The following DOCK9 variants were observed in gnomAD, a reference collection of about 807,000 sequenced individuals.
DOCK9 encodes the protein dedicator of cytokinesis 9.
In DOCK9, 89 loss-of-function variants were observed where a neutral mutation model predicts 263.3. The ratio of observed to expected loss-of-function variants is 0.34; its 90% CI spans 0.28 to 0.40. The LOEUF (loss-of-function observed/expected upper bound fraction) is 0.40, where lower values mean the gene tolerates loss of function less well. DOCK9 is among the 10% of genes least tolerant of loss of function. DOCK9 has a pLI of 1.00. For synonymous variants in DOCK9, 976 were observed against 973.1 expected, an observed-to-expected ratio of 1.00 and a Z score of -0.06; for missense variants, 2,140 against 2,603.4, an observed-to-expected ratio of 0.82 and a Z score of 3.87.
At chr13:98,846,175 T>C in intron 37 of DOCK9, 115 bp from the exon 38 acceptor site, 1 of 1,251,316 alleles carries the variant, frequency 8.0e-7, no homozygotes, top group Non-Finnish European at 1.1e-6. Context: ...ATGCACTGAC[T>C]GAACACAGTG....
Position 98,794,725 on chromosome 13 carries a change from C to G in DOCK9, c.6180G>C (p.Thr2060=). 8.1e-6 allele frequency: 13 copies of G among 1,613,910 alleles called. No individual in the cohort carries two copies. Among genetic ancestry groups the G allele is most frequent in the Non-Finnish European group, 1.1e-5 (13 of 1,179,856 alleles). ...HEQICPLEEK[T]SVLPNSLHIF... ...TGTGAAGGGAATTCGGTAAGACGCT[C>G]GTCTTCTCCTCCAGGGGGCAGATCT... The change falls in exon 53 of 53, where the codon ACG becomes ACC. Residue 2060 remains threonine, a synonymous_variant. Coordinates refer to ENST00000682017, the MANE Select transcript of DOCK9 (RefSeq NM_001366683.2).
chr13:99,069,172 C>G (rs2041562811), intron 1 of DOCK9, among the ~76,000 whole-genome samples: 1 of 152,170 alleles, frequency 6.6e-6, no homozygotes, highest in Non-Finnish European at 1.5e-5. Context: ...ATAATTTTAA[C>G]CAATGTACGT....
At chr13:98,872,337 T>C (rs1305419756) in intron 27 of DOCK9, among the ~76,000 whole-genome samples, 1 of 152,214 alleles carries the variant, frequency 6.6e-6, no homozygotes, top group East Asian at 1.9e-4. Flanking sequence ...GTTACTCCCC[T>C]TTATCAAGAT....
At chr13:99,057,472 G>A (rs972861583) in intron 1 of DOCK9, among the ~76,000 whole-genome samples, 12 of 152,146 alleles carry the variant, frequency 7.9e-5, no homozygotes, top group Admixed American at 3.3e-4. Context: ...TCTTCATTGC[G>A]CCTCTGATTT....
intron 1 of DOCK9, among the ~76,000 whole-genome samples, chr13:98,983,818 T>G (rs542850779): frequency 6.6e-6 from 1 of 152,160 alleles, no homozygotes; most frequent in African/African-American, 2.4e-5. Flanking sequence ...AGTTTCACCA[T>G]GTAGGCCAGG....
chr13:99,059,202 G>C (rs565768262), intron 1 of DOCK9, among the ~76,000 whole-genome samples: 16 of 152,302 alleles, frequency 1.1e-4, no homozygotes, highest in Admixed American at 3.3e-4. Context: ...TCGAGTCCAA[G>C]AATTTGCATT....
intron 2 of DOCK9, 83 bp from the exon 3 acceptor site, chr13:98,930,340 G>C (rs1426113111): frequency 1.7e-6 from 2 of 1,184,204 alleles, no homozygotes; most frequent in Admixed American, 2.0e-5. Flanking sequence ...GTGCCCTGCA[G>C]CTGGCCCTGG....
At chr13:98,802,934 T>C (rs534590340) in intron 49 of DOCK9, among the ~76,000 whole-genome samples, 1 of 152,342 alleles carries the variant, frequency 6.6e-6, no homozygotes, top group South Asian at 2.1e-4. Flanking sequence ...AAGAACGCTC[T>C]TTCCCTTGCT....
intron 47 of DOCK9, 101 bp downstream of exon 47, chr13:98,809,251 G>A: frequency 8.0e-7 from 1 of 1,243,938 alleles, no homozygotes; most frequent in East Asian, 2.6e-5. Flanking sequence ...AGAAAACAGA[G>A]AATTTATAAG....
chr13:98,804,063 C>T (rs2090421359), intron 49 of DOCK9, among the ~76,000 whole-genome samples: 2 of 152,080 alleles, frequency 1.3e-5, no homozygotes, highest in Non-Finnish European at 2.9e-5. Context: ...ATCTCCACAG[C>T]GCTCCTTCCG....
chr13:99,013,355 T>A (rs1884841212), intron 1 of DOCK9, among the ~76,000 whole-genome samples: 1 of 152,158 alleles, frequency 6.6e-6, no homozygotes, highest in East Asian at 1.9e-4. Flanking sequence ...CCTCAAGCAA[T>A]CCTCCTGCCT....
intron 2 of DOCK9, among the ~76,000 whole-genome samples, chr13:98,930,608 C>CT (rs2053762582): frequency 6.6e-6 from 1 of 152,084 alleles, no homozygotes; most frequent in Non-Finnish European, 1.5e-5. Flanking sequence ...TCTTAACTGC[C>CT]TTTTTTTATT....
chr13:98,867,808 G>A, intron 29 of DOCK9, 120 bp downstream of exon 29: 1 of 948,248 alleles, frequency 1.1e-6, no homozygotes, highest in Non-Finnish European at 1.6e-6. Flanking sequence ...TACAGACACA[G>A]GCTCAATACA....
intron 48 of DOCK9, among the ~76,000 whole-genome samples, chr13:98,807,336 T>C (rs2090844469): frequency 6.6e-6 from 1 of 152,220 alleles, no homozygotes; most frequent in Non-Finnish European, 1.5e-5. Flanking sequence ...ATGTGCTACA[T>C]GCAGGAAGAG....
chr13:98,910,204 T>C (rs2049786519), intron 9 of DOCK9, among the ~76,000 whole-genome samples: 1 of 152,196 alleles, frequency 6.6e-6, no homozygotes, highest in East Asian at 1.9e-4. Flanking sequence ...AAATAACTAG[T>C]AATGAAGTTT....
chr13:98,872,574 T>C (rs1462832258), intron 27 of DOCK9, among the ~76,000 whole-genome samples: 2 of 152,146 alleles, frequency 1.3e-5, no homozygotes, highest in African/African-American at 4.8e-5. Context: ...GCCCAGCTAA[T>C]TTTGTTCACA....
chr13:98,963,346 G>A (rs2058863410), intron 1 of DOCK9, among the ~76,000 whole-genome samples: 1 of 152,164 alleles, frequency 6.6e-6, no homozygotes, highest in Admixed American at 6.5e-5. Context: ...AATGTTCTTA[G>A]TGCCAGGAAA....
chr13:98,837,421 G>C (rs974909181), intron 39 of DOCK9, 73 bp downstream of exon 39: 47 of 1,002,940 alleles, frequency 4.7e-5, no homozygotes, highest in Admixed American at 2.4e-4. Context: ...GTAAGTTTGT[G>C]CTCACTGAGC....
intron 52 of DOCK9, among the ~76,000 whole-genome samples, chr13:98,795,805 C>G (rs2089307174): frequency 6.6e-6 from 1 of 150,408 alleles, no homozygotes; most frequent in African/African-American, 2.5e-5. Context: ...GTGGCCCAGG[C>G]TAGAGGGTAG....
Sources: gnomAD v4.1 joint callset for allele counts (sites outside exome capture counted in the v4.1 genomes callset) on GRCh38, gnomAD v4.1.1 for gene constraint, MANE v1.5 for transcripts, NCBI Gene and HGNC (gene_info 2026-07-23, HGNC 2026-07-21) for gene names.